FGD4: variants seen among roughly 807,000 people sequenced by gnomAD.
The protein encoded by FGD4 is FYVE, RhoGEF and PH domain-containing protein 4.
FGD4 carries 42 observed loss-of-function variants against 102.0 expected under a neutral mutation model. The observed-to-expected ratio is 0.41, with a 90% confidence interval of 0.32 to 0.53. The LOEUF (loss-of-function observed/expected upper bound fraction) is 0.53, where lower values mean the gene tolerates loss of function less well. Ranked by LOEUF, FGD4 falls within the 20% of genes least tolerant of loss-of-function variation. The pLI, the probability that FGD4 is intolerant of heterozygous loss-of-function variation, is 0.21. For missense variants in FGD4, 902 were observed against 1,078.2 expected, an observed-to-expected ratio of 0.84 and a Z score of 2.29; for synonymous variants, 380 against 375.7, an observed-to-expected ratio of 1.01 and a Z score of -0.13.
chr12:32,539,034 A>G (rs907063023), intron 1 of FGD4, among the ~76,000 whole-genome samples: 3 of 152,118 alleles, frequency 2.0e-5, no homozygotes, highest in Non-Finnish European at 4.4e-5. Flanking sequence ...AGCCTAGGTG[A>G]CAGAGGGAGA....
intron 14 of FGD4, among the ~76,000 whole-genome samples, chr12:32,629,985 T>G (rs1345847149): frequency 2.0e-5 from 3 of 152,198 alleles, no homozygotes; most frequent in Non-Finnish European, 4.4e-5. Flanking sequence ...GTTCATTATC[T>G]TCCTTTCATA....
chr12:32,600,391 G>T, intron 5 of FGD4: 2 of 1,205,694 alleles, frequency 1.7e-6, no homozygotes, highest in Non-Finnish European at 2.2e-6. Context: ...ATAATTTTTT[G>T]TTCTTTTTGC....
intron 8 of FGD4, among the ~76,000 whole-genome samples, chr12:32,609,315 C>T (rs1948990654): frequency 2.0e-5 from 3 of 152,302 alleles, no homozygotes; most frequent in Admixed American, 6.5e-5. Context: ...CCAACTACTT[C>T]CTATGAATTC....
intron 14 of FGD4, among the ~76,000 whole-genome samples, chr12:32,628,106 G>A (rs1442241127): frequency 3.3e-5 from 5 of 152,206 alleles, no homozygotes; most frequent in Admixed American, 2.0e-4. Context: ...GAGACATAAG[G>A]CGGTAGAGTT....
At chr12:32,583,864 TGGAA>T (rs1946802843) in intron 4 of FGD4, among the ~76,000 whole-genome samples, 1 of 152,202 alleles carries the variant, frequency 6.6e-6, no homozygotes, top group African/African-American at 2.4e-5. Flanking sequence ...TGAACCATGA[TGGAA>T]GGAAGAGAAG....
intron 14 of FGD4, among the ~76,000 whole-genome samples, chr12:32,629,039 A>G (rs775878152): frequency 4.6e-5 from 7 of 152,150 alleles, no homozygotes; most frequent in African/African-American, 7.2e-5. Context: ...GAAGATACAC[A>G]TGTTATATAT....
intron 2 of FGD4, among the ~76,000 whole-genome samples, chr12:32,571,027 G>C (rs781440280): frequency 6.6e-6 from 1 of 152,074 alleles, no homozygotes; most frequent in African/African-American, 2.4e-5. Flanking sequence ...TTCACAGGTC[G>C]GGTTCTTTCG....
At position 32,399,870 on chromosome 12, in the gene FGD4, G is replaced by A. The variant is rs1206135755; in HGVS notation, c.77G>A (p.Gly26Glu). Residue 26 changes from glycine to glutamate, a missense_variant, in exon 1 of 17, where the codon GGG becomes GAG. Gly to Glu is a moderately conservative substitution (Grantham distance 98, BLOSUM62 -2). This residue lies in a region of FGD4 where 443 missense variants were observed against 459.2 expected (regional missense o/e 0.96). Transcript: ENST00000534526. Reference protein sequence around the residue: ...RKSNPSYLPPGVPRPWSRPAS... With the variant: ...RKSNPSYLPPEVPRPWSRPAS... ...TCCAACCCCTCCTACCTGCCGCCCG[G>A]GGTGCCCCGGCCCTGGAGCAGGCCC... 1 of 1,531,230 alleles carries A rather than the reference G, an allele frequency of 6.5e-7. No homozygotes were observed. The highest frequency in any genetic ancestry group is 1.4e-5 in the African/African-American group (1 of 72,118). 94.9% of individuals were successfully genotyped at this position (1,531,230 alleles called of 1,614,324 possible).
chr12:32,526,600 G>T (rs532128777), intron 1 of FGD4, among the ~76,000 whole-genome samples: 5 of 152,310 alleles, frequency 3.3e-5, no homozygotes, highest in South Asian at 4.1e-4. Flanking sequence ...GAGAATAAAA[G>T]CAGGCTGCCC....
At chr12:32,418,291 C>T (rs1218085112) in intron 1 of FGD4, among the ~76,000 whole-genome samples, 2 of 152,084 alleles carry the variant, frequency 1.3e-5, no homozygotes, top group African/African-American at 2.4e-5. Context: ...GTCATGTTTT[C>T]CTGGATGGTC....
chr12:32,577,037 G>C (rs950553317), intron 3 of FGD4, among the ~76,000 whole-genome samples: 2 of 151,938 alleles, frequency 1.3e-5, no homozygotes, highest in Non-Finnish European at 2.9e-5. Context: ...TTTCAGTTTT[G>C]TATTTATTAA....
intron 13 of FGD4, 41 bp from the exon 14 acceptor site, chr12:32,625,613 A>T: frequency 1.9e-6 from 3 of 1,596,592 alleles, no homozygotes; most frequent in Non-Finnish European, 2.6e-6. Context: ...AGGGAATTAT[A>T]GTTTTTTTCT....
At chr12:32,555,535 G>T (rs1000168259) in intron 1 of FGD4, among the ~76,000 whole-genome samples, 1 of 150,758 alleles carries the variant, frequency 6.6e-6, no homozygotes, top group Non-Finnish European at 1.5e-5. Context: ...ACTAATCCAA[G>T]TGCACTTCAA....
At position 32,506,638 on chromosome 12, in the gene FGD4, C is replaced by A. The variant is rs2136649177; in HGVS notation, c.167-57499C>A. On this transcript the variant is annotated intron_variant, in intron 1 of 16. Transcript: ENST00000534526. The surrounding 1 kb of genome is among the most constrained non-coding windows in gnomAD (Gnocchi z 4.5). ...CACCAACCCACAGGCACCTCCTTGC[C>A]CAGGACCACCCCACCCCCTAAGGAG... 1.3e-5 allele frequency among the ~76,000 whole-genome samples: 2 copies of A among 152,278 alleles called. No individual in the cohort carries two copies. The highest frequency in any genetic ancestry group is 3.9e-4 in the East Asian group (2 of 5,178).
chr12:32,597,661 GTCA>G (rs1217811502), intron 4 of FGD4, among the ~76,000 whole-genome samples: 4 of 152,176 alleles, frequency 2.6e-5, no homozygotes, highest in African/African-American at 7.2e-5. Context: ...AAATGTTTCT[GTCA>G]TCATGAAACT....
chr12:32,405,090 C>T (rs2733684), intron 1 of FGD4, among the ~76,000 whole-genome samples: 11,298 of 150,818 alleles, frequency 0.075, 717 homozygotes, highest in East Asian at 0.18. Context: ...CCTGCCACCA[C>T]ACCCGGCTAA....
At chr12:32,635,263 G>T (rs1259585061) in intron 15 of FGD4, among the ~76,000 whole-genome samples, 1 of 152,186 alleles carries the variant, frequency 6.6e-6, no homozygotes, top group Non-Finnish European at 1.5e-5. Flanking sequence ...CAGGAACAGA[G>T]CCTCAAGACT....
chr12:32,510,162 G>C (rs752218483), intron 1 of FGD4, among the ~76,000 whole-genome samples: 12 of 152,224 alleles, frequency 7.9e-5, no homozygotes, highest in Non-Finnish European at 1.8e-4. Context: ...GAGTGATTCA[G>C]TGAATGATTT....
intron 4 of FGD4, among the ~76,000 whole-genome samples, chr12:32,592,275 A>G (rs923933583): frequency 1.3e-5 from 2 of 151,718 alleles, no homozygotes; most frequent in Non-Finnish European, 2.9e-5. Flanking sequence ...TAGAGATGGG[A>G]TTTTAAAAGT....
Sources: allele counts gnomAD v4.1 joint callset (sites outside exome capture counted in the v4.1 genomes callset), GRCh38; gene constraint gnomAD v4.1.1; regional missense constraint gnomAD v4.1.1; non-coding constraint Gnocchi (gnomAD v3.1); transcripts MANE v1.5; gene names NCBI Gene and HGNC (gene_info 2026-07-23, HGNC 2026-07-21).